Variants in FADD observed in about 807,000 individuals in gnomAD.
The protein encoded by FADD is FAS-associated death domain protein.
A neutral mutation model predicts 5.8 loss-of-function variants in FADD; 3 were observed. The ratio of observed to expected loss-of-function variants is 0.52; its 90% CI spans 0.24 to 1.34. The LOEUF (loss-of-function observed/expected upper bound fraction) is 1.34, where lower values mean the gene tolerates loss of function less well. Among genes scored for constraint, FADD ranks in the 40% most tolerant of loss-of-function variants. The probability of loss-of-function intolerance (pLI) is 0.17; values close to 1 mark genes in which losing one functional copy is unlikely to be tolerated. For synonymous variants in FADD, 138 were observed against 130.8 expected (o/e 1.06, Z -0.38); for missense variants, 249 against 286.7 (o/e 0.87, Z 0.95).
chr11:70,205,144 G>C (rs994408281), intron 1 of FADD, among the ~76,000 whole-genome samples: 3 of 132,252 alleles, frequency 2.3e-5, no homozygotes, highest in Non-Finnish European at 5.4e-5. Context: ...TCAGAGCTGC[G>C]GGAGCTGGTA....
intron 1 of FADD, among the ~76,000 whole-genome samples, chr11:70,204,272 G>T (rs1375994462): frequency 3.9e-5 from 6 of 152,192 alleles, no homozygotes; most frequent in Non-Finnish European, 7.3e-5. Flanking sequence ...CAGGTTAAGT[G>T]GCTTTGTCGA....
At chr11:70,204,570 A>T (rs1331699366) in intron 1 of FADD, among the ~76,000 whole-genome samples, 1 of 152,188 alleles carries the variant, frequency 6.6e-6, no homozygotes, top group Non-Finnish European at 1.5e-5. Flanking sequence ...TTCAAGCTGT[A>T]GCTTGGAATC....
At position 70,203,327 on chromosome 11, in the gene FADD, A is replaced by G. The variant is rs1429024402; in HGVS notation, c.-133A>G. 6.8e-6 allele frequency: 10 copies of G among 1,467,950 alleles called. No homozygotes were observed. Among genetic ancestry groups the G allele is most frequent in the Admixed American group, 2.5e-5 (1 of 40,042 alleles). The allele number at this position is 1,467,950 out of a possible 1,614,324, so 90.9% of individuals were successfully genotyped here. On this transcript the variant is annotated 5_prime_UTR_variant, in exon 1 of 2. Coordinates refer to ENST00000301838, the MANE Select transcript of FADD (RefSeq NM_003824.4). ...GTCGATTTCCTGTAGTGAATCAGGC[A>G]CCGGAGTGCAGGTTCGGGGGTGGAA...
At chr11:70,205,960 G>T (rs2049456291) in intron 1 of FADD, among the ~76,000 whole-genome samples, 173 bp from the exon 2 acceptor site, 2 of 55,938 alleles carry the variant, frequency 3.6e-5, no homozygotes, top group African/African-American at 5.3e-5. Flanking sequence ...GGCCACTCTT[G>T]GGCATTTGGT....
chr11:70,206,480 G>A lies in FADD; in HGVS notation c.*7G>A, dbSNP rs200489076. ...TACCTCCGAAGCGTCCTGATGGGCC[G>A]CTGCTTTGCGCTGGTGGACCACAGG... On this transcript the variant is annotated 3_prime_UTR_variant, in exon 2 of 2. Coordinates refer to ENST00000301838, the MANE Select transcript of FADD (RefSeq NM_003824.4). 37 of 1,606,598 alleles carry A rather than the reference G, an allele frequency of 2.3e-5. No individual in the cohort carries two copies. In the East Asian group the frequency reaches 7.4e-4, roughly 32 times the overall value.
chr11:70,206,961 T>C lies in FADD; in HGVS notation c.*488T>C, dbSNP rs1257290302. ...TGCAGTTGGCAGAAAGGATGTTTTG[T>C]CCCATTTCCTTGGAGGCCACCGGGA... On this transcript the variant is annotated 3_prime_UTR_variant, in exon 2 of 2. Coordinates refer to ENST00000301838, the MANE Select transcript of FADD (RefSeq NM_003824.4). 3.7e-5 allele frequency: 7 copies of C among 186,982 alleles called. No homozygotes were observed. The highest frequency in any genetic ancestry group is 2.9e-4 in the South Asian group (3 of 10,228). The allele number at this position is 186,982 out of a possible 1,614,324, so 11.6% of individuals were successfully genotyped here.
chr11:70,204,525 G>A (rs1565301726), intron 1 of FADD, among the ~76,000 whole-genome samples: 1 of 152,206 alleles, frequency 6.6e-6, no homozygotes, highest in Non-Finnish European at 1.5e-5. Context: ...AGTCGGGAGA[G>A]GCTTGGGAGT....
In FADD at chr11:70,206,481, C is replaced by A; in HGVS notation, c.*8C>A. 1 of 1,604,970 alleles carries A rather than the reference C, an allele frequency of 6.2e-7. No homozygotes were observed. The highest frequency in any genetic ancestry group is 8.5e-7 in the Non-Finnish European group (1 of 1,176,142). Reference sequence around the variant, plus strand: ...ACCTCCGAAGCGTCCTGATGGGCCGCTGCTTTGCGCTGGTGGACCACAGGC... The same window carrying A: ...ACCTCCGAAGCGTCCTGATGGGCCGATGCTTTGCGCTGGTGGACCACAGGC... On this transcript the variant is annotated 3_prime_UTR_variant, in exon 2 of 2. Transcript: ENST00000301838.
intron 1 of FADD, among the ~76,000 whole-genome samples, chr11:70,204,043 G>A (rs1461878673): frequency 1.3e-5 from 2 of 152,026 alleles, no homozygotes; most frequent in African/African-American, 2.4e-5. Flanking sequence ...GAGGGGCAGA[G>A]GTTGGGTGAG....
Position 70,206,191 on chromosome 11 carries a change from G to A in FADD, c.345G>A (p.Leu115=), listed in dbSNP as rs765226049. The change falls in exon 2 of 2, where the codon CTG becomes CTA. Residue 115 remains leucine, a synonymous_variant. Coordinates refer to ENST00000301838, the MANE Select transcript of FADD (RefSeq NM_003824.4). ...ATGTGGGGAAAGATTGGAGAAGGCT[G>A]GCTCGTCAGCTCAAAGTCTCAGACA... ...CDNVGKDWRR[L]ARQLKVSDTK... 6.2e-7 allele frequency: 1 copy of A among 1,614,194 alleles called. No homozygotes were observed. The highest frequency in any genetic ancestry group is 8.5e-7 in the Non-Finnish European group (1 of 1,180,034).
Position 70,206,832 on chromosome 11 carries a change from G to A in FADD, c.*359G>A, listed in dbSNP as rs2049465628. ...CCACAGCGGAGGAGACCAGCTCAGA[G>A]GCCCAGGAATCGGAGCGAAGCAGAG... On this transcript the variant is annotated 3_prime_UTR_variant, in exon 2 of 2. Coordinates refer to ENST00000301838, the MANE Select transcript of FADD (RefSeq NM_003824.4). 3.4e-6 allele frequency: 1 copy of A among 296,994 alleles called. No individual in the cohort carries two copies. Among genetic ancestry groups the A allele is most frequent in the Admixed American group, 4.8e-5 (1 of 20,658 alleles). The allele number at this position is 296,994 out of a possible 1,614,324, so 18.4% of individuals were successfully genotyped here.
intron 1 of FADD, 71 bp downstream of exon 1, chr11:70,203,816 G>C: frequency 1.3e-6 from 1 of 742,854 alleles, no homozygotes; most frequent in Non-Finnish European, 1.9e-6. Flanking sequence ...GGCTCCTCCG[G>C]TTGGCCTCCA....
rs1300870983 is a variant in FADD at position 70,203,657 on chromosome 11, G to C, written c.198G>C (p.Leu66=). The change falls in exon 1 of 2, where the codon CTG becomes CTC. Residue 66 remains leucine, a synonymous_variant. Transcript: ENST00000301838. ...EPGHTELLRE[L]LASLRRHDLL... ...GGCACACCGAGCTCCTGCGCGAGCT[G>C]CTCGCCTCCCTGCGGCGCCACGACC... The C allele has an allele frequency of 3.3e-5, 52 of 1,559,126 alleles. No homozygotes were observed. The highest frequency in any genetic ancestry group is 4.4e-5 in the Non-Finnish European group (51 of 1,157,154).
chr11:70,206,115 C>A lies in FADD; in HGVS notation c.287-18C>A. The A allele has an allele frequency of 6.2e-7, 1 of 1,606,868 alleles. No individual in the cohort carries two copies. The highest frequency in any genetic ancestry group is 1.1e-5 in the South Asian group (1 of 90,534). On this transcript the variant is annotated intron_variant, in intron 1 of 1. Coordinates refer to ENST00000301838, the MANE Select transcript of FADD (RefSeq NM_003824.4). ...GTCTCCAAACCTATGGTAAACCGTT[C>A]TGTTCTTTCCTTCCCAGACCTGTGT...
chr11:70,203,400 C>G lies in FADD; in HGVS notation c.-60C>G. ...GCGAGACCTGGCCAGGGCCAGCGAG[C>G]CGAGGACAGAGGGCGCACGGAGGGC... On this transcript the variant is annotated 5_prime_UTR_variant, in exon 1 of 2. Coordinates refer to ENST00000301838, the MANE Select transcript of FADD (RefSeq NM_003824.4). The G allele has an allele frequency of 1.9e-6, 3 of 1,546,060 alleles. No homozygotes were observed. The highest frequency in any genetic ancestry group is 2.6e-6 in the Non-Finnish European group (3 of 1,145,666).
intron 1 of FADD, among the ~76,000 whole-genome samples, chr11:70,205,483 A>T (rs1410576126): frequency 6.6e-6 from 1 of 152,088 alleles, no homozygotes; most frequent in African/African-American, 2.4e-5. Flanking sequence ...GGTGCCACAG[A>T]CCGGCACACC....
At position 70,206,084 on chromosome 11, in the gene FADD, T is replaced by C. The variant is rs41268241; in HGVS notation, c.287-49T>C. ...AAAAGCCCTAGGGAGGATTGTGGGG[T>C]CGCTTGTCTCCAAACCTATGGTAAA... is the stretch of plus-strand genomic sequence containing the variant. On this transcript the variant is annotated intron_variant, in intron 1 of 1. Coordinates refer to ENST00000301838, the MANE Select transcript of FADD (RefSeq NM_003824.4). 0.012 allele frequency: 18,600 copies of C among 1,512,132 alleles called. 1,826 individuals are homozygous for C. The African/African-American group carries it at 0.22, about 18-fold the overall frequency. 93.7% of individuals were successfully genotyped at this position (1,512,132 alleles called of 1,614,324 possible).
In FADD at chr11:70,206,805, C is replaced by T; in HGVS notation, c.*332C>T. The T allele has an allele frequency of 1.4e-5, 5 of 360,280 alleles. No homozygotes were observed. The highest frequency in any genetic ancestry group is 1.3e-4 in the South Asian group (5 of 39,548). The allele number at this position is 360,280 out of a possible 1,614,324, so 22.3% of individuals were successfully genotyped here. A position where few individuals can be genotyped will look rare whatever the true frequency, so the allele number is the denominator to read the frequency against. ...GTGCAGATGAGCAGTCACACTGTTA[C>T]TCCACAGCGGAGGAGACCAGCTCAG... is the stretch of plus-strand genomic sequence containing the variant. On this transcript the variant is annotated 3_prime_UTR_variant, in exon 2 of 2. Transcript: ENST00000301838.
At chr11:70,205,664 C>T (rs999701560) in intron 1 of FADD, among the ~76,000 whole-genome samples, 2 of 152,210 alleles carry the variant, frequency 1.3e-5, no homozygotes, top group African/African-American at 4.8e-5. Flanking sequence ...GATCTCCTCT[C>T]AAGACCCTCA....
Sources: gnomAD v4.1 joint callset for allele counts (sites outside exome capture counted in the v4.1 genomes callset) on GRCh38, gnomAD v4.1.1 for gene constraint, MANE v1.5 for transcripts, NCBI Gene and HGNC (gene_info 2026-07-23, HGNC 2026-07-21) for gene names.